Variants in ERC2 observed in about 807,000 individuals in gnomAD.
ERC2 encodes the protein ELKS/RAB6-interacting/CAST family member 2, also known as ERC protein 2.
A neutral mutation model predicts 114.8 loss-of-function variants in ERC2; 42 were observed. The ratio of observed to expected loss-of-function variants is 0.37; its 90% CI spans 0.29 to 0.47. The LOEUF (loss-of-function observed/expected upper bound fraction) is 0.47. ERC2 is among the 20% of genes least tolerant of loss of function. ERC2 has a pLI of 0.99. For missense variants in ERC2, 939 were observed against 1,150.7 expected, an observed-to-expected ratio of 0.82 and a Z score of 2.66; for synonymous variants, 454 against 425.5, an observed-to-expected ratio of 1.07 and a Z score of -0.82.
At chr3:55,515,917 C>T (rs917414149) in intron 17 of ERC2, among the ~76,000 whole-genome samples, 3 of 152,092 alleles carry the variant, frequency 2.0e-5, no homozygotes, top group African/African-American at 7.2e-5. Flanking sequence ...CTTTGGTAAA[C>T]ACGGAGGGGT....
At chr3:56,309,822 C>T (rs538681853) in intron 2 of ERC2, among the ~76,000 whole-genome samples, 1 of 152,176 alleles carries the variant, frequency 6.6e-6, no homozygotes, top group African/African-American at 2.4e-5. Context: ...TTTTGAGACA[C>T]TGGTGGTGGC....
chr3:56,430,049 G>T (rs1317306344), intron 2 of ERC2, among the ~76,000 whole-genome samples: 2 of 152,144 alleles, frequency 1.3e-5, no homozygotes, highest in Admixed American at 1.3e-4. Flanking sequence ...TCCTATACAA[G>T]AGCATTTCAA....
In ERC2 at chr3:55,699,366, G is replaced by A. The variant is rs377480617; in HGVS notation, c.2847+12C>T. ...AAAAGGGGTCTTGGAGGTAAGCAGC[G>A]ATGAAACTGACCTGGTCCGGAGAGG... is the stretch of plus-strand genomic sequence containing the variant. On this transcript the variant is annotated intron_variant, in intron 16 of 17. Coordinates refer to ENST00000288221, the MANE Select transcript of ERC2 (RefSeq NM_015576.3). 75 of 1,613,466 alleles carry A rather than the reference G, an allele frequency of 4.6e-5. No individual in the cohort carries two copies. Among genetic ancestry groups the A allele is most frequent in the Admixed American group, 6.7e-5 (4 of 59,980 alleles).
intron 2 of ERC2, among the ~76,000 whole-genome samples, chr3:56,432,899 C>T (rs745477188): frequency 5.3e-5 from 8 of 152,168 alleles, no homozygotes; most frequent in Non-Finnish European, 1.0e-4. Context: ...TCTATAAGCA[C>T]CAATTAGAGA....
At chr3:56,316,256 A>T (rs1176863025) in intron 2 of ERC2, among the ~76,000 whole-genome samples, 2 of 152,220 alleles carry the variant, frequency 1.3e-5, no homozygotes, top group African/African-American at 2.4e-5. Context: ...TTATTTCAGA[A>T]ATCCAAAGGG....
intron 16 of ERC2, among the ~76,000 whole-genome samples, chr3:55,690,576 C>T (rs2062590091): frequency 6.6e-6 from 1 of 151,436 alleles, no homozygotes; most frequent in African/African-American, 2.4e-5. Context: ...GATACTGCAA[C>T]AAATCTCTTA....
At chr3:56,279,204 C>T (rs2054193211) in intron 3 of ERC2, among the ~76,000 whole-genome samples, 1 of 152,174 alleles carries the variant, frequency 6.6e-6, no homozygotes, top group Non-Finnish European at 1.5e-5. Context: ...CATTCCCTAA[C>T]AGTTTTGGGT....
At chr3:56,261,232 C>T (rs147665625) in intron 3 of ERC2, among the ~76,000 whole-genome samples, 3 of 152,334 alleles carry the variant, frequency 2.0e-5, no homozygotes, top group East Asian at 3.9e-4. Context: ...TCACAAGAAG[C>T]TTTCCTTGCC....
intron 1 of ERC2, among the ~76,000 whole-genome samples, chr3:56,459,073 T>A (rs1164583635): frequency 1.3e-5 from 2 of 152,128 alleles, no homozygotes; most frequent in Admixed American, 1.3e-4. Flanking sequence ...GCAGAGCTGC[T>A]CAACTCTCAC....
At chr3:55,859,277 AT>A (rs1187034148) in intron 14 of ERC2, among the ~76,000 whole-genome samples, 1 of 151,774 alleles carries the variant, frequency 6.6e-6, no homozygotes, top group African/African-American at 2.4e-5. Context: ...ATCGTTTCTT[AT>A]TTTTTTCCCC....
intron 6 of ERC2, among the ~76,000 whole-genome samples, chr3:56,132,430 C>T (rs1251257575): frequency 1.3e-5 from 2 of 152,182 alleles, no homozygotes; most frequent in African/African-American, 2.4e-5. Flanking sequence ...CAGAAAAATG[C>T]TGCCACGGGC....
intron 13 of ERC2, among the ~76,000 whole-genome samples, chr3:55,911,981 A>G (rs1228206498): frequency 6.6e-6 from 1 of 152,172 alleles, no homozygotes; most frequent in Non-Finnish European, 1.5e-5. Context: ...CACAACACTT[A>G]AAGGGGCATG....
intron 16 of ERC2, among the ~76,000 whole-genome samples, chr3:55,691,393 T>G (rs1009625799): frequency 2.0e-5 from 3 of 151,546 alleles, no homozygotes; most frequent in Non-Finnish European, 4.4e-5. Context: ...GTGGCAACGG[T>G]CAAAACTTCT....
rs1411115058 is a variant in ERC2, at chr3:55,509,187, G to A, written c.*2129C>T. On this transcript the variant is annotated 3_prime_UTR_variant, in exon 18 of 18. Coordinates refer to ENST00000288221, the MANE Select transcript of ERC2 (RefSeq NM_015576.3). Reference sequence around the variant, plus strand: ...AATGATCCCTCCAAACAAGAGCTGTGACAAAATTGGCACATACATAGAAAT... The same window carrying A: ...AATGATCCCTCCAAACAAGAGCTGTAACAAAATTGGCACATACATAGAAAT... 6.6e-6 allele frequency: 1 copy of A among 152,004 alleles called. No homozygotes were observed. Among genetic ancestry groups the A allele is most frequent in the Non-Finnish European group, 1.5e-5 (1 of 67,976 alleles). 9.4% of individuals were successfully genotyped at this position (152,004 alleles called of 1,614,324 possible). A position where few individuals can be genotyped will look rare whatever the true frequency, so the allele number is the denominator to read the frequency against.
At chr3:56,300,765 G>T (rs548693702) in intron 2 of ERC2, among the ~76,000 whole-genome samples, 1 of 152,262 alleles carries the variant, frequency 6.6e-6, no homozygotes, top group South Asian at 2.1e-4. Context: ...ACCCACCTAC[G>T]TAAGTGGTAC....
rs185499507 is a variant in ERC2, at chr3:55,510,579, G to A, written c.*737C>T. 191 of 152,722 alleles carry A rather than the reference G, an allele frequency of 1.3e-3. 3 individuals are homozygous for A. Among genetic ancestry groups the A allele is most frequent in the Non-Finnish European group, 1.9e-4 (13 of 68,040 alleles). 9.5% of individuals were successfully genotyped at this position (152,722 alleles called of 1,614,324 possible). A position where few individuals can be genotyped will look rare whatever the true frequency, so the allele number is the denominator to read the frequency against. ...GACACACACCATGTTCTCATAAGGC[G>A]ATTTCTTGGCAAGCATTAGTGGTTT... On this transcript the variant is annotated 3_prime_UTR_variant, in exon 18 of 18. Transcript: ENST00000288221.
At chr3:55,694,374 G>GA (rs1351078098) in intron 16 of ERC2, among the ~76,000 whole-genome samples, 1 of 152,162 alleles carries the variant, frequency 6.6e-6, no homozygotes, top group Non-Finnish European at 1.5e-5. Context: ...GTAAGGGCCA[G>GA]ACATGTGTGA....
intron 14 of ERC2, among the ~76,000 whole-genome samples, chr3:55,780,008 T>A (rs536773760): frequency 6.6e-6 from 1 of 152,170 alleles, no homozygotes; most frequent in Admixed American, 6.5e-5. Context: ...ATTCTTGATA[T>A]AAAATCACAG....
intron 2 of ERC2, among the ~76,000 whole-genome samples, chr3:56,415,539 G>A (rs1252985234): frequency 6.6e-6 from 1 of 152,216 alleles, no homozygotes; most frequent in South Asian, 2.1e-4. Flanking sequence ...GAGTAAGGAA[G>A]CACTGTAGCT....
Sources: gnomAD v4.1 joint callset for allele counts (sites outside exome capture counted in the v4.1 genomes callset) on GRCh38, gnomAD v4.1.1 for gene constraint, MANE v1.5 for transcripts, NCBI Gene and HGNC (gene_info 2026-07-23, HGNC 2026-07-21) for gene names.